Variants in DYM observed in about 807,000 individuals in gnomAD.
DYM encodes dyggve-Melchior-Clausen syndrome protein.
DYM carries 78 observed loss-of-function variants against 93.1 expected under a neutral mutation model. That is an observed-to-expected ratio of 0.84 (90% CI 0.70 to 1.01). The LOEUF is 1.01. Among genes scored for constraint, DYM ranks in the 50% least tolerant of loss-of-function variants. The pLI is 0.00. For synonymous variants in DYM, 321 were observed against 319.7 expected, an observed-to-expected ratio of 1.00 and a Z score of -0.04; for missense variants, 789 against 845.0, an observed-to-expected ratio of 0.93 and a Z score of 0.82.
chr18:49,056,059 G>C (rs752639489), intron 17 of DYM, among the ~76,000 whole-genome samples: 3 of 152,202 alleles, frequency 2.0e-5, no homozygotes, highest in Non-Finnish European at 4.4e-5. Flanking sequence ...GAGTAATGAG[G>C]GGGCTGGGGG....
At chr18:49,088,049 C>T (rs2145344423) in intron 17 of DYM, among the ~76,000 whole-genome samples, 1 of 151,864 alleles carries the variant, frequency 6.6e-6, no homozygotes, top group African/African-American at 2.4e-5. Context: ...CAAAAATTTT[C>T]TCCCATTCTG....
intron 15 of DYM, among the ~76,000 whole-genome samples, chr18:49,153,231 C>G (rs144893717): frequency 2.1e-3 from 326 of 152,192 alleles, no homozygotes; most frequent in Admixed American, 4.6e-3. Context: ...CCAAAATATA[C>G]AATTTTTTAT....
At chr18:49,457,062 G>A (rs1198714903) in intron 1 of DYM, among the ~76,000 whole-genome samples, 2 of 152,116 alleles carry the variant, frequency 1.3e-5, no homozygotes, top group African/African-American at 2.4e-5. Flanking sequence ...AGCAGCAATG[G>A]GCATCTTATC....
intron 8 of DYM, among the ~76,000 whole-genome samples, chr18:49,289,751 A>ATG (rs1568180965): frequency 4.6e-5 from 2 of 43,320 alleles, no homozygotes; most frequent in African/African-American, 1.8e-4. Flanking sequence ...ATATATATAT[A>ATG]TATATATATA....
At chr18:49,370,722 G>A (rs772958668) in intron 5 of DYM, among the ~76,000 whole-genome samples, 49 of 152,296 alleles carry the variant, frequency 3.2e-4, no homozygotes, top group Non-Finnish European at 2.5e-4. Context: ...AGCCAAAATC[G>A]TGCCACTGCA....
intron 8 of DYM, among the ~76,000 whole-genome samples, chr18:49,296,256 GA>G (rs1390778642): frequency 6.6e-6 from 1 of 152,006 alleles, no homozygotes; most frequent in Non-Finnish European, 1.5e-5. Context: ...CATTCATATG[GA>G]AAAAAATATT....
At chr18:49,434,825 GT>G (rs1555746385) in intron 1 of DYM, among the ~76,000 whole-genome samples, 1 of 151,960 alleles carries the variant, frequency 6.6e-6, no homozygotes, top group Non-Finnish European at 1.5e-5. Flanking sequence ...AATTAGCCAG[GT>G]GTGGTGGTGC....
chr18:49,273,904 C>T (rs1432418120), intron 10 of DYM, among the ~76,000 whole-genome samples: 2 of 149,392 alleles, frequency 1.3e-5, no homozygotes, highest in Non-Finnish European at 3.0e-5. Context: ...ATTGACAAGA[C>T]ACACAAGCAA....
At chr18:49,265,098 C>G (rs533099184) in intron 11 of DYM, among the ~76,000 whole-genome samples, 1 of 152,268 alleles carries the variant, frequency 6.6e-6, no homozygotes, top group South Asian at 2.1e-4. Context: ...GTCCTTTAAA[C>G]AATCTCACTA....
At chr18:49,222,732 A>G (rs2093409141) in intron 13 of DYM, among the ~76,000 whole-genome samples, 1 of 152,170 alleles carries the variant, frequency 6.6e-6, no homozygotes. Context: ...AAATATTAAA[A>G]GGAAGAAGTT....
chr18:49,122,984 T>C (rs2082514947), intron 15 of DYM, among the ~76,000 whole-genome samples: 1 of 152,228 alleles, frequency 6.6e-6, no homozygotes, highest in African/African-American at 2.4e-5. Context: ...AATGACTATA[T>C]TTTTCATTTT....
intron 17 of DYM, among the ~76,000 whole-genome samples, chr18:49,053,986 G>C (rs2075252824): frequency 6.6e-6 from 1 of 152,174 alleles, no homozygotes; most frequent in Non-Finnish European, 1.5e-5. Flanking sequence ...CTCCCAGGTA[G>C]TTCTGGCGAA....
chr18:49,236,754 G>A (rs1010289492), intron 13 of DYM, among the ~76,000 whole-genome samples: 2 of 152,226 alleles, frequency 1.3e-5, no homozygotes, highest in Admixed American at 1.3e-4. Context: ...CCACTCCGTA[G>A]GAGCCGGGCC....
chr18:49,323,397 A>C (rs1274196118), intron 8 of DYM, among the ~76,000 whole-genome samples: 5 of 152,198 alleles, frequency 3.3e-5, no homozygotes, highest in Non-Finnish European at 7.3e-5. Context: ...ATTCCAGCAC[A>C]AGCTACTTAA....
At chr18:49,200,373 G>C (rs957343741) in intron 14 of DYM, among the ~76,000 whole-genome samples, 11 of 151,570 alleles carry the variant, frequency 7.3e-5, no homozygotes, top group Non-Finnish European at 1.6e-4. Flanking sequence ...TTTTTATGTA[G>C]TTGTTTTAAT....
At chr18:49,045,239 C>G (rs1383219949) in intron 17 of DYM, among the ~76,000 whole-genome samples, 1 of 152,196 alleles carries the variant, frequency 6.6e-6, no homozygotes, top group Non-Finnish European at 1.5e-5. Context: ...CACACTTCCC[C>G]ACATGCATCC....
At position 49,388,501 on chromosome 18, in the gene DYM, G is replaced by A. The variant is rs187391983; in HGVS notation, c.193+3092C>T. Among the ~76,000 whole-genome samples, 318 of 151,950 alleles carry A rather than the reference G, an allele frequency of 2.1e-3. 3 individuals are homozygous for A. Among genetic ancestry groups the A allele is most frequent in the Middle Eastern group, 0.017 (5 of 294 alleles). On this transcript the variant is annotated intron_variant, in intron 3 of 17. Coordinates refer to ENST00000675505, the MANE Select transcript of DYM (RefSeq NM_001353214.3). ...AACATTGAACAGAAGTGTAACAAGC[G>A]TCCCAGGAGGAGAGGAGAGACAGAA... is the stretch of plus-strand genomic sequence containing the variant.
intron 2 of DYM, among the ~76,000 whole-genome samples, chr18:49,410,584 T>A (rs1476381174): frequency 6.6e-6 from 1 of 151,530 alleles, no homozygotes; most frequent in Non-Finnish European, 1.5e-5. Context: ...TAATTCAGGA[T>A]TGGGGGCTGT....
chr18:49,317,660 C>A (rs2062102547), intron 8 of DYM, among the ~76,000 whole-genome samples: 1 of 85,998 alleles, frequency 1.2e-5, no homozygotes, highest in Non-Finnish European at 2.3e-5. Flanking sequence ...TTCCTTCCTT[C>A]CTTCCTTCCT....
Sources: allele counts gnomAD v4.1 joint callset (sites outside exome capture counted in the v4.1 genomes callset), GRCh38; gene constraint gnomAD v4.1.1; transcripts MANE v1.5; gene names NCBI Gene and HGNC (gene_info 2026-07-23, HGNC 2026-07-21).